Variants in ALK observed in about 807,000 individuals in gnomAD.
The protein encoded by ALK is ALK receptor tyrosine kinase, also known as ALK tyrosine kinase receptor.
Under a neutral mutation model 163.1 loss-of-function variants are expected in ALK, and 74 were observed. The observed-to-expected ratio is 0.45, with a 90% CI of 0.38 to 0.55. ALK has a LOEUF of 0.55. ALK is among the 20% of genes least tolerant of loss of function. The pLI, the probability that ALK is intolerant of heterozygous loss-of-function variation, is 0.00. For missense variants in ALK, 2,063 were observed against 2,105.3 expected (o/e 0.98, Z 0.39); for synonymous variants, 960 against 843.2 (o/e 1.14, Z -2.40).
intron 1 of ALK, among the ~76,000 whole-genome samples, chr2:29,908,339 C>A (rs902955311): frequency 6.6e-6 from 1 of 151,732 alleles, no homozygotes; most frequent in Non-Finnish European, 1.5e-5. Context: ...GTCTCTCTGT[C>A]TCTCCTTTCT....
At chr2:29,822,172 A>T (rs114732157) in intron 1 of ALK, among the ~76,000 whole-genome samples, 3 of 152,194 alleles carry the variant, frequency 2.0e-5, no homozygotes, top group Non-Finnish European at 4.4e-5. Context: ...CAGCAGAGGG[A>T]GGAGTCAAAG....
At chr2:29,444,370 G>C (rs1478945921) in intron 4 of ALK, among the ~76,000 whole-genome samples, 2 of 144,316 alleles carry the variant, frequency 1.4e-5, no homozygotes, top group Non-Finnish European at 2.9e-5. Context: ...GACCTGCCCC[G>C]TGGGTGCTCA....
intron 1 of ALK, among the ~76,000 whole-genome samples, chr2:29,830,833 G>T (rs1558508086): frequency 1.4e-5 from 2 of 146,392 alleles, no homozygotes. Context: ...GAGCCCAGGA[G>T]TACAAGGCTG....
At chr2:29,207,774 A>G (rs969534408) in intron 25 of ALK, among the ~76,000 whole-genome samples, 3 of 152,254 alleles carry the variant, frequency 2.0e-5, no homozygotes, top group Non-Finnish European at 4.4e-5. Context: ...GCTGCCTCCC[A>G]TGACACACCC....
chr2:29,512,254 T>A (rs1261703368), intron 4 of ALK, among the ~76,000 whole-genome samples: 1 of 151,830 alleles, frequency 6.6e-6, no homozygotes, highest in African/African-American at 2.4e-5. Context: ...CTCAATAAAA[T>A]ACTGGCAAAC....
intron 4 of ALK, among the ~76,000 whole-genome samples, chr2:29,464,773 T>A (rs1379484153): frequency 6.6e-6 from 1 of 152,156 alleles, no homozygotes; most frequent in African/African-American, 2.4e-5. Flanking sequence ...TTGCTAAGCA[T>A]CCTATAATTC....
chr2:29,493,857 C>G (rs1315481920), intron 4 of ALK, among the ~76,000 whole-genome samples: 1 of 152,172 alleles, frequency 6.6e-6, no homozygotes, highest in African/African-American at 2.4e-5. Flanking sequence ...CCAGTGAGGC[C>G]CTCTTTGCAA....
Position 29,612,226 on chromosome 2 carries a change from A to T in ALK, c.953-80110T>A, listed in dbSNP as rs185830508. On this transcript the variant is annotated intron_variant, in intron 3 of 28. Coordinates refer to ENST00000389048, the MANE Select transcript of ALK (RefSeq NM_004304.5). ...CAGTTGCCATCTCAGTAGTGTGCTAATAGCATCTCTGATTTTGAAAATGAA... is the reference window on the plus strand; with the variant it reads ...CAGTTGCCATCTCAGTAGTGTGCTATTAGCATCTCTGATTTTGAAAATGAA... 2.3e-4 allele frequency among the ~76,000 whole-genome samples: 35 copies of T among 152,338 alleles called. 2 individuals are homozygous for T. The East Asian group carries it at 6.6e-3, about 29-fold the overall frequency.
At chr2:29,587,415 C>A (rs1674918967) in intron 3 of ALK, among the ~76,000 whole-genome samples, 1 of 150,472 alleles carries the variant, frequency 6.6e-6, no homozygotes, top group East Asian at 2.0e-4. Context: ...GGTGAAATAG[C>A]CTTTGCTATT....
At chr2:29,917,722 C>T (rs149416525) in intron 1 of ALK, among the ~76,000 whole-genome samples, 186 of 152,302 alleles carry the variant, frequency 1.2e-3, no homozygotes, top group African/African-American at 4.3e-3. Context: ...CCACAAGGCC[C>T]GAAGTGCTTT....
rs568819930 is a variant in ALK, at chr2:29,390,912, T to C, written c.1155-7053A>G. Among the ~76,000 whole-genome samples, 38 of 152,354 alleles carry C rather than the reference T, an allele frequency of 2.5e-4. 1 individual carries two copies. The highest frequency in any genetic ancestry group is 2.5e-3 in the South Asian group (12 of 4,830). On this transcript the variant is annotated intron_variant, in intron 4 of 28. Coordinates refer to ENST00000389048, the MANE Select transcript of ALK (RefSeq NM_004304.5). ...TTATTATTCACTTGCCCTTCATACT[T>C]TCCCACAAGTTAGATGAATGTGCTC...
At chr2:29,885,845 A>G (rs957032004) in intron 1 of ALK, among the ~76,000 whole-genome samples, 9 of 152,230 alleles carry the variant, frequency 5.9e-5, no homozygotes. Context: ...ACTAAAGTAC[A>G]TGGTGGAAGA....
chr2:29,397,850 A>G (rs80253060), intron 4 of ALK, among the ~76,000 whole-genome samples: 10,148 of 152,286 alleles, frequency 0.067, 449 homozygotes, highest in Non-Finnish European at 0.1. Flanking sequence ...GCCCAGGCTC[A>G]TGCTCACACC....
intron 4 of ALK, among the ~76,000 whole-genome samples, chr2:29,480,240 G>T (rs1198356694): frequency 6.6e-6 from 1 of 152,130 alleles, no homozygotes; most frequent in Non-Finnish European, 1.5e-5. Flanking sequence ...AGTGACGTGA[G>T]GCTGAAGGAG....
intron 4 of ALK, among the ~76,000 whole-genome samples, chr2:29,492,694 A>G (rs1671931367): frequency 6.6e-6 from 1 of 152,164 alleles, no homozygotes; most frequent in Non-Finnish European, 1.5e-5. Context: ...CTTAAAGATG[A>G]TTTTTGAGAG....
chr2:29,494,139 T>C (rs975296241), intron 4 of ALK, among the ~76,000 whole-genome samples: 2 of 152,204 alleles, frequency 1.3e-5, no homozygotes, highest in African/African-American at 4.8e-5. Flanking sequence ...ATGTGATGGG[T>C]GGCTTAGATG....
In ALK at chr2:29,448,977, A is replaced by C. The variant is rs1032152138; in HGVS notation, c.1155-65118T>G. The stretch of plus-strand genomic sequence containing the variant: ...ACTGGGCTGCTAAAACAAAAACAAA[A>C]CCCCTCTACTTTACATTATTAAAAT... On this transcript the variant is annotated intron_variant, in intron 4 of 28. Coordinates refer to ENST00000389048, the MANE Select transcript of ALK (RefSeq NM_004304.5). 2.0e-5 allele frequency among the ~76,000 whole-genome samples: 3 copies of C among 151,976 alleles called. No homozygotes were observed. The East Asian group carries it at 5.8e-4, about 29-fold the overall frequency.
At chr2:29,917,557 C>T (rs1018895149) in intron 1 of ALK, among the ~76,000 whole-genome samples, 3 of 152,210 alleles carry the variant, frequency 2.0e-5, no homozygotes, top group African/African-American at 7.2e-5. Flanking sequence ...GGTGTATCTA[C>T]TCCATGGGGA....
intron 5 of ALK, among the ~76,000 whole-genome samples, chr2:29,334,351 C>G (rs1157394967): frequency 3.3e-5 from 5 of 152,214 alleles, no homozygotes; most frequent in Admixed American, 3.3e-4. Context: ...GGGAATTGAA[C>G]TCATCCTGTG....
Sources: allele counts gnomAD v4.1 joint callset (sites outside exome capture counted in the v4.1 genomes callset), GRCh38; gene constraint gnomAD v4.1.1; transcripts MANE v1.5; gene names NCBI Gene and HGNC (gene_info 2026-07-23, HGNC 2026-07-21).